The following ZNF121 variants were observed in gnomAD, a reference collection of about 807,000 sequenced individuals.
ZNF121 encodes the protein zinc finger protein 121 (clone ZHC32).
A neutral mutation model predicts 2.4 loss-of-function variants in ZNF121; 1 was observed. That is an observed-to-expected ratio of 0.41 (90% confidence interval 0.15 to 1.94). ZNF121 has a LOEUF of 1.94. ZNF121 is among the 30% of genes most tolerant of loss of function. ZNF121 has a pLI of 0.30. For missense variants in ZNF121, 369 were observed against 466.3 expected (o/e 0.79, Z 1.92); for synonymous variants, 173 against 158.6 (o/e 1.09, Z -0.68).
rs748977988 is a variant in ZNF121, at chr19:9,567,116, A to G, written c.4-7T>C. 4.4e-6 allele frequency: 7 copies of G among 1,597,524 alleles called. No homozygotes were observed. Among genetic ancestry groups the G allele is most frequent in the African/African-American group, 1.3e-5 (1 of 74,418 alleles). On this transcript the variant is annotated splice_region_variant and splice_polypyrimidine_tract_variant and intron_variant, in intron 3 of 3. Transcript: ENST00000320451. Reference sequence around the variant, plus strand: ...CTCCATTGTGGATTTCTGCCTGTTAATAAAGGGATGAATGATGATTAAAGG... The same window carrying G: ...CTCCATTGTGGATTTCTGCCTGTTAGTAAAGGGATGAATGATGATTAAAGG...
chr19:9,567,960 G>A, intron 3 of ZNF121, 135 bp downstream of exon 3: 3 of 960,752 alleles, frequency 3.1e-6, no homozygotes, highest in Non-Finnish European at 3.0e-6. Context: ...GTACCAGTGG[G>A]GACCCTTGCT....
At chr19:9,579,062 G>A (rs1440534795) in intron 1 of ZNF121, among the ~76,000 whole-genome samples, 1 of 149,938 alleles carries the variant, frequency 6.7e-6, no homozygotes, top group Non-Finnish European at 1.5e-5. Flanking sequence ...CATACAAATG[G>A]CCAACAGGTA....
chr19:9,566,762 T>A lies in ZNF121; in HGVS notation c.351A>T (p.Glu117Asp). ...RITHNGETLY[E>D]QKQCGRAFTY... is the part of the protein sequence containing the mutation. ...TAAAAGCTCTCCCACATTGCTTCTG[T>A]TCATAGAGTGTTTCTCCATTGTGAG... Residue 117 changes from glutamate to aspartate, a missense_variant, in exon 4 of 4, where the codon GAA becomes GAT. This residue lies in a region of ZNF121 where 168 missense variants were observed against 162.3 expected (regional missense o/e 1.03). Transcript: ENST00000320451. 6.2e-7 allele frequency: 1 copy of A among 1,614,222 alleles called. No individual in the cohort carries two copies. The highest frequency in any genetic ancestry group is 8.5e-7 in the Non-Finnish European group (1 of 1,180,040).
At chr19:9,582,885 T>G (rs1353388195) in intron 1 of ZNF121, among the ~76,000 whole-genome samples, 1 of 63,312 alleles carries the variant, frequency 1.6e-5, no homozygotes, top group African/African-American at 1.1e-4. Context: ...AGATACTACT[T>G]TATTACACTA....
At chr19:9,576,491 A>G (rs563560207) in intron 1 of ZNF121, among the ~76,000 whole-genome samples, 1 of 152,316 alleles carries the variant, frequency 6.6e-6, no homozygotes, top group Non-Finnish European at 1.5e-5. Context: ...AAGCAGTACT[A>G]AGGGAGTATT....
rs1332686080 is a variant in ZNF121, at chr19:9,564,597, C to T, written c.*1343G>A. On this transcript the variant is annotated 3_prime_UTR_variant, in exon 4 of 4. Coordinates refer to ENST00000320451, the MANE Select transcript of ZNF121 (RefSeq NM_001008727.5). ...TGAAAAAACTTGAACAGATGAGAGGCTGCTTTGTATAGATAAGCAAAGAAA... is the reference window on the plus strand; with the variant it reads ...TGAAAAAACTTGAACAGATGAGAGGTTGCTTTGTATAGATAAGCAAAGAAA... 1 of 152,058 alleles carries T rather than the reference C, an allele frequency of 6.6e-6. No homozygotes were observed. The highest frequency in any genetic ancestry group is 1.5e-5 in the Non-Finnish European group (1 of 68,016). The allele number at this position is 152,058 out of a possible 1,614,324, so 9.4% of individuals were successfully genotyped here.
At chr19:9,581,907 G>A (rs1334084387) in intron 1 of ZNF121, among the ~76,000 whole-genome samples, 2 of 152,112 alleles carry the variant, frequency 1.3e-5, no homozygotes, top group Non-Finnish European at 2.9e-5. Flanking sequence ...GCATTACCAA[G>A]TATTTAAAGG....
chr19:9,579,001 T>C (rs1283074414), intron 1 of ZNF121, among the ~76,000 whole-genome samples: 1 of 108,236 alleles, frequency 9.2e-6, no homozygotes, highest in Non-Finnish European at 2.0e-5. Context: ...AAAAAAAAAA[T>C]CCGATCAAAA....
In ZNF121 at chr19:9,582,291, C is replaced by G. The variant is rs531765727; in HGVS notation, c.-160+2170G>C. ...ATGGCCTGAAGCAACTGAAGAACAACAAGAAGAAGCGAAAATAGCTAGTTC... is the reference window on the plus strand; with the variant it reads ...ATGGCCTGAAGCAACTGAAGAACAAGAAGAAGAAGCGAAAATAGCTAGTTC... On this transcript the variant is annotated intron_variant, in intron 1 of 3. Transcript: ENST00000320451. 2.3e-3 allele frequency among the ~76,000 whole-genome samples: 350 copies of G among 152,304 alleles called. 2 individuals are homozygous for G. The highest frequency in any genetic ancestry group is 6.9e-3 in the Admixed American group (105 of 15,294).
rs146183013 is a variant in ZNF121 at position 9,579,031 on chromosome 19, T to C, written c.-160+5430A>G. ...TCAAAAAATTGGCCAAAGGTCAGAA[T>C]ACTTGTTTCTCAAAAAACGACATAC... On this transcript the variant is annotated intron_variant, in intron 1 of 3. Transcript: ENST00000320451. Among the ~76,000 whole-genome samples the C allele has an allele frequency of 2.8e-3, 375 of 132,996 alleles. 2 individuals are homozygous for C. Among genetic ancestry groups the C allele is most frequent in the African/African-American group, 9.9e-3 (365 of 36,968 alleles). The allele number at this position is 132,996 out of a possible 152,430, so 87.3% of individuals were successfully genotyped here. A position where few individuals can be genotyped will look rare whatever the true frequency, so the allele number is the denominator to read the frequency against.
chr19:9,572,539 A>C (rs2144813530), intron 1 of ZNF121, among the ~76,000 whole-genome samples: 1 of 152,308 alleles, frequency 6.6e-6, no homozygotes, highest in Non-Finnish European at 1.5e-5. Flanking sequence ...TGGCCAAAGG[A>C]GAAGCCAAGT....
Position 9,560,527 on chromosome 19 carries a change from C to T in ZNF121, c.*5413G>A, listed in dbSNP as rs1054620475. ...TCCTCCACCAGCTTGTGGCAAATACCGCAGTACTTTGTTCTTCTGAGTTTG... is the reference window on the plus strand; with the variant it reads ...TCCTCCACCAGCTTGTGGCAAATACTGCAGTACTTTGTTCTTCTGAGTTTG... On this transcript the variant is annotated 3_prime_UTR_variant, in exon 4 of 4. Transcript: ENST00000320451. 2 of 152,136 alleles carry T rather than the reference C, an allele frequency of 1.3e-5. No individual in the cohort carries two copies. Among genetic ancestry groups the T allele is most frequent in the Non-Finnish European group, 2.9e-5 (2 of 68,038 alleles). The allele number at this position is 152,136 out of a possible 1,614,324, so 9.4% of individuals were successfully genotyped here.
intron 1 of ZNF121, among the ~76,000 whole-genome samples, chr19:9,580,945 G>A (rs567260140): frequency 3.3e-5 from 5 of 152,316 alleles, no homozygotes; most frequent in Admixed American, 2.0e-4. Flanking sequence ...AGGCAGATCT[G>A]AGTAATTTGA....
At chr19:9,582,281 T>G (rs562754472) in intron 1 of ZNF121, among the ~76,000 whole-genome samples, 3 of 152,188 alleles carry the variant, frequency 2.0e-5, no homozygotes, top group South Asian at 2.1e-4. Context: ...CTGAAGCAAC[T>G]GAAGAACAAC....
chr19:9,566,540 T>C lies in ZNF121; in HGVS notation c.573A>G (p.Val191=), dbSNP rs2074133329. ...AAGGTTTCTCTCCAGTATGAATTCT[T>C]ACATGTTCAACTAGGTGTGAAGAAA... ...FTVSSHLVEH[V]RIHTGEKPYQ... is the part of the protein sequence containing the mutation. The change falls in exon 4 of 4, where the codon GTA becomes GTG. Residue 191 remains valine (V), a synonymous_variant. Coordinates refer to ENST00000320451, the MANE Select transcript of ZNF121 (RefSeq NM_001008727.5). The C allele has an allele frequency of 6.2e-7, 1 of 1,614,222 alleles. No homozygotes were observed. The highest frequency in any genetic ancestry group is 2.2e-5 in the East Asian group (1 of 44,880).
chr19:9,577,339 A>G (rs1447760457), intron 1 of ZNF121, among the ~76,000 whole-genome samples: 1 of 152,084 alleles, frequency 6.6e-6, no homozygotes, highest in African/African-American at 2.4e-5. Context: ...AGTCCCTGCT[A>G]CTAAGGAGGC....
chr19:9,584,177 GA>G (rs1200159432), intron 1 of ZNF121: 6 of 152,216 alleles, frequency 3.9e-5, no homozygotes, highest in Non-Finnish European at 5.9e-5. Context: ...CAGAAAGAAA[GA>G]AACTCACAAA....
chr19:9,563,650 C>T lies in ZNF121; in HGVS notation c.*2290G>A, dbSNP rs1056057799. Reference sequence around the variant, plus strand: ...CTGTTGTGCTGGCTGGTCTTGAACTCTTGACCTCAAGTGATCCTCCAACCT... The same window carrying T: ...CTGTTGTGCTGGCTGGTCTTGAACTTTTGACCTCAAGTGATCCTCCAACCT... On this transcript the variant is annotated 3_prime_UTR_variant, in exon 4 of 4. Coordinates refer to ENST00000320451, the MANE Select transcript of ZNF121 (RefSeq NM_001008727.5). The T allele has an allele frequency of 3.3e-5, 5 of 152,240 alleles. No individual in the cohort carries two copies. The highest frequency in any genetic ancestry group is 1.2e-4 in the African/African-American group (5 of 41,458). 9.4% of individuals were successfully genotyped at this position (152,240 alleles called of 1,614,324 possible).
In ZNF121 at chr19:9,565,397, C is replaced by CA. The variant is rs1305641754; in HGVS notation, c.*542dup. The stretch of plus-strand genomic sequence containing the variant: ...AAAAAAAAAAAAAAAAGGCCAGGAG[C>CA]AGTGGCTCACTCCTATAATCCCAGC... On this transcript the variant is annotated 3_prime_UTR_variant, in exon 4 of 4. Transcript: ENST00000320451. 1 of 125,504 alleles carries CA rather than the reference C, an allele frequency of 8.0e-6. No homozygotes were observed. The highest frequency in any genetic ancestry group is 2.9e-5 in the African/African-American group (1 of 34,102). 7.8% of individuals were successfully genotyped at this position (125,504 alleles called of 1,614,324 possible). A position where few individuals can be genotyped will look rare whatever the true frequency, so the allele number is the denominator to read the frequency against.
Sources: allele counts gnomAD v4.1 joint callset (sites outside exome capture counted in the v4.1 genomes callset), GRCh38; gene constraint gnomAD v4.1.1; regional missense constraint gnomAD v4.1.1; transcripts MANE v1.5; gene names NCBI Gene and HGNC (gene_info 2026-07-23, HGNC 2026-07-21).